The following CPQ variants were observed in gnomAD, a reference collection of about 807,000 sequenced individuals.
CPQ encodes Ser-Met dipeptidase.
Under a neutral mutation model 45.7 loss-of-function variants are expected in CPQ, and 37 were observed. The ratio of observed to expected loss-of-function variants is 0.81; its 90% CI spans 0.62 to 1.07. The LOEUF (loss-of-function observed/expected upper bound fraction) is 1.07. Ranked by LOEUF, CPQ falls within the 50% of genes least tolerant of loss-of-function variation. The probability of loss-of-function intolerance (pLI) is 0.00; values close to 1 mark genes in which losing one functional copy is unlikely to be tolerated. For synonymous variants in CPQ, 186 were observed against 205.8 expected, an observed-to-expected ratio of 0.90 and a Z score of 0.82; for missense variants, 537 against 572.9, an observed-to-expected ratio of 0.94 and a Z score of 0.64.
intron 1 of CPQ, among the ~76,000 whole-genome samples, chr8:96,661,023 T>C (rs1426452541): frequency 1.3e-5 from 2 of 152,220 alleles, no homozygotes; most frequent in East Asian, 3.8e-4. Flanking sequence ...TTTATTTCTG[T>C]ATATATGAAA....
chr8:96,925,314 G>T (rs1396801646), intron 4 of CPQ, among the ~76,000 whole-genome samples: 1 of 151,618 alleles, frequency 6.6e-6, no homozygotes, highest in African/African-American at 2.4e-5. Flanking sequence ...AAAAAATCCT[G>T]TTGACTAGGC....
chr8:96,813,769 A>G (rs905057980), intron 2 of CPQ, among the ~76,000 whole-genome samples: 1 of 152,024 alleles, frequency 6.6e-6, no homozygotes, highest in Non-Finnish European at 1.5e-5. Context: ...ATACCAGAAA[A>G]CAAGTATTAT....
chr8:96,826,865 C>T (rs756909802), intron 2 of CPQ, among the ~76,000 whole-genome samples: 2 of 151,922 alleles, frequency 1.3e-5, no homozygotes, highest in Admixed American at 6.6e-5. Context: ...CACTTATAAG[C>T]GAGAACATGC....
intron 1 of CPQ, among the ~76,000 whole-genome samples, chr8:96,725,923 A>G (rs948219916): frequency 2.0e-5 from 3 of 152,144 alleles, no homozygotes; most frequent in Non-Finnish European, 4.4e-5. Flanking sequence ...AAATAATGAA[A>G]TTGTGTTATT....
chr8:96,694,869 G>GT (rs1419743622), intron 1 of CPQ, among the ~76,000 whole-genome samples: 7 of 152,116 alleles, frequency 4.6e-5, no homozygotes, highest in Admixed American at 2.6e-4. Flanking sequence ...TAGAAAAGCA[G>GT]TTTTTTCCAA....
intron 7 of CPQ, among the ~76,000 whole-genome samples, chr8:97,093,838 C>A (rs866252629): frequency 6.6e-6 from 1 of 152,170 alleles, no homozygotes; most frequent in Non-Finnish European, 1.5e-5. Context: ...TACTTTAAAT[C>A]TAAAGTTTTG....
At chr8:97,073,281 C>T (rs1810784403) in intron 7 of CPQ, among the ~76,000 whole-genome samples, 1 of 152,136 alleles carries the variant, frequency 6.6e-6, no homozygotes, top group Non-Finnish European at 1.5e-5. Flanking sequence ...AAGGCCTTTC[C>T]TCTAAAATGT....
At chr8:96,864,183 A>G (rs112580247) in intron 3 of CPQ, among the ~76,000 whole-genome samples, 2,357 of 152,106 alleles carry the variant, frequency 0.015, 47 homozygotes, top group African/African-American at 0.049. Context: ...TCACTTCCTA[A>G]CTGGCTTATT....
chr8:96,763,186 A>G (rs926265417), intron 1 of CPQ, among the ~76,000 whole-genome samples: 4 of 152,144 alleles, frequency 2.6e-5, no homozygotes, highest in Admixed American at 2.6e-4. Context: ...TTACTTCTTT[A>G]AAGACTATTT....
At chr8:96,916,343 A>G (rs1812732404) in intron 4 of CPQ, among the ~76,000 whole-genome samples, 1 of 152,170 alleles carries the variant, frequency 6.6e-6, no homozygotes, top group South Asian at 2.1e-4. Context: ...ATTCAATGGG[A>G]TCATAGATAT....
At chr8:96,731,131 G>A (rs1021007909) in intron 1 of CPQ, among the ~76,000 whole-genome samples, 1 of 151,688 alleles carries the variant, frequency 6.6e-6, no homozygotes, top group Non-Finnish European at 1.5e-5. Flanking sequence ...AAAATAACTG[G>A]TCCAGAGTTT....
chr8:96,685,953 C>T (rs1287080036), intron 1 of CPQ, among the ~76,000 whole-genome samples: 1 of 152,016 alleles, frequency 6.6e-6, no homozygotes, highest in Admixed American at 6.6e-5. Flanking sequence ...TTTCTAGTTA[C>T]TCTATAATTT....
intron 7 of CPQ, among the ~76,000 whole-genome samples, chr8:97,140,983 G>A (rs1435720160): frequency 6.6e-6 from 1 of 151,994 alleles, no homozygotes; most frequent in East Asian, 1.9e-4. Context: ...ATGTTTCTAG[G>A]CAATGGAAAA....
At chr8:96,716,080 C>T (rs181988621) in intron 1 of CPQ, among the ~76,000 whole-genome samples, 1 of 152,272 alleles carries the variant, frequency 6.6e-6, no homozygotes, top group East Asian at 1.9e-4. Flanking sequence ...GTCATGTGGA[C>T]AGACCAGGAC....
intron 6 of CPQ, among the ~76,000 whole-genome samples, chr8:97,050,450 A>G (rs1230199574): frequency 4.6e-5 from 7 of 152,242 alleles, no homozygotes; most frequent in African/African-American, 1.7e-4. Context: ...ATGCATCAAT[A>G]ACAAGATACA....
intron 4 of CPQ, among the ~76,000 whole-genome samples, chr8:96,941,530 A>G (rs1813123121): frequency 6.6e-6 from 1 of 152,084 alleles, no homozygotes. Context: ...AGTATGTCTT[A>G]AAACTGTACA....
chr8:96,932,567 T>C (rs1452299554), intron 4 of CPQ, among the ~76,000 whole-genome samples: 1 of 152,218 alleles, frequency 6.6e-6, no homozygotes, highest in Non-Finnish European at 1.5e-5. Context: ...GCTGATTATG[T>C]TTCTTGCCTA....
chr8:97,045,700 A>G (rs1810242158), intron 6 of CPQ, among the ~76,000 whole-genome samples: 1 of 152,208 alleles, frequency 6.6e-6, no homozygotes, highest in African/African-American at 2.4e-5. Context: ...CCCAAAGATC[A>G]TTAGGTCTTT....
intron 1 of CPQ, among the ~76,000 whole-genome samples, chr8:96,742,367 G>A (rs1330856710): frequency 3.3e-5 from 5 of 152,156 alleles, no homozygotes; most frequent in Non-Finnish European, 4.4e-5. Context: ...GCCTATGTGT[G>A]TCTCTGTCCA....
Sources: allele counts gnomAD v4.1 joint callset (sites outside exome capture counted in the v4.1 genomes callset), GRCh38; gene constraint gnomAD v4.1.1; transcripts MANE v1.5; gene names NCBI Gene and HGNC (gene_info 2026-07-23, HGNC 2026-07-21).